Variants in TENM4 observed in about 807,000 individuals in gnomAD.
TENM4 encodes the protein teneurin transmembrane protein 4.
In TENM4, 82 loss-of-function variants were observed where a neutral mutation model predicts 243.3. The observed-to-expected ratio is 0.34, with a 90% CI of 0.28 to 0.40. The LOEUF is 0.40. TENM4 is among the 10% of genes least tolerant of loss of function. TENM4 has a pLI of 1.00. For synonymous variants in TENM4, 1,412 were observed against 1,456.3 expected, an observed-to-expected ratio of 0.97 and a Z score of 0.69; for missense variants, 3,138 against 3,673.3, an observed-to-expected ratio of 0.85 and a Z score of 3.77.
chr11:78,904,000 T>C (rs892163707), intron 6 of TENM4: 2 of 361,654 alleles, frequency 5.5e-6, no homozygotes, highest in African/African-American at 4.3e-5. Context: ...CTCTGATGTA[T>C]GCTAAAATTC....
chr11:78,907,184 C>T (rs1856081316), intron 6 of TENM4, among the ~76,000 whole-genome samples: 1 of 151,858 alleles, frequency 6.6e-6, no homozygotes, highest in Non-Finnish European at 1.5e-5. Context: ...CACTCACAAA[C>T]CCCAGAAAGA....
At chr11:79,054,989 G>A (rs1443556959) in intron 6 of TENM4, among the ~76,000 whole-genome samples, 3 of 151,774 alleles carry the variant, frequency 2.0e-5, no homozygotes, top group South Asian at 2.1e-4. Context: ...TTAGCCAGGC[G>A]TGGTGGCAGA....
At chr11:79,343,280 T>A (rs1198448864) in intron 1 of TENM4, among the ~76,000 whole-genome samples, 1 of 152,264 alleles carries the variant, frequency 6.6e-6, no homozygotes, top group East Asian at 1.9e-4. Context: ...TTTCACCTTA[T>A]GATGCAGATA....
intron 2 of TENM4, among the ~76,000 whole-genome samples, chr11:79,267,453 G>T (rs995855246): frequency 1.3e-5 from 2 of 152,318 alleles, no homozygotes; most frequent in East Asian, 1.9e-4. Context: ...AAAGATAAAG[G>T]TTGATGCTAG....
intron 6 of TENM4, among the ~76,000 whole-genome samples, chr11:79,035,522 T>C (rs1349491073): frequency 7.6e-6 from 1 of 132,354 alleles, no homozygotes; most frequent in African/African-American, 2.6e-5. Context: ...TTGTAGAAGA[T>C]TTAAAAAAAT....
At chr11:79,200,236 G>A (rs551340370) in intron 3 of TENM4, among the ~76,000 whole-genome samples, 3 of 152,350 alleles carry the variant, frequency 2.0e-5, no homozygotes, top group African/African-American at 7.2e-5. Context: ...CTTCCTAGCT[G>A]TCTCTTCCTC....
intron 1 of TENM4, among the ~76,000 whole-genome samples, chr11:79,316,876 T>C (rs1054993808): frequency 6.6e-5 from 10 of 152,248 alleles, no homozygotes; most frequent in African/African-American, 2.4e-4. Flanking sequence ...GAGGTCTCTT[T>C]AAAATGCACA....
intron 6 of TENM4, among the ~76,000 whole-genome samples, chr11:79,002,164 C>T (rs912993842): frequency 6.6e-6 from 1 of 152,210 alleles, no homozygotes; most frequent in Non-Finnish European, 1.5e-5. Context: ...CATACAAACA[C>T]TAGTGGCCCT....
chr11:78,971,016 A>G (rs1401095923), intron 6 of TENM4, among the ~76,000 whole-genome samples: 1 of 151,942 alleles, frequency 6.6e-6, no homozygotes, highest in Non-Finnish European at 1.5e-5. Flanking sequence ...TTATTTATTT[A>G]AAAAATTTAT....
At chr11:79,265,269 G>A (rs1475529924) in intron 2 of TENM4, among the ~76,000 whole-genome samples, 5 of 152,084 alleles carry the variant, frequency 3.3e-5, no homozygotes, top group African/African-American at 9.7e-5. Flanking sequence ...GTGAGTGGGT[G>A]GGTCTCGGAC....
At chr11:79,411,074 T>C (rs1026805707) in intron 1 of TENM4, among the ~76,000 whole-genome samples, 1 of 152,198 alleles carries the variant, frequency 6.6e-6, no homozygotes, top group African/African-American at 2.4e-5. Context: ...ATCCTGGCCC[T>C]TCTATCCAGG....
intron 4 of TENM4, among the ~76,000 whole-genome samples, chr11:79,077,161 TC>T (rs1439596593): frequency 6.6e-6 from 1 of 152,168 alleles, no homozygotes; most frequent in East Asian, 1.9e-4. Flanking sequence ...AACTCCCAGT[TC>T]CTACCCTCCT....
chr11:78,904,076 C>T (rs1856005491), intron 6 of TENM4, among the ~76,000 whole-genome samples: 3 of 152,130 alleles, frequency 2.0e-5, no homozygotes, highest in South Asian at 4.2e-4. Flanking sequence ...AAAAGTAAAA[C>T]GTGGCCGGTC....
chr11:79,039,329 A>G (rs10899582), intron 6 of TENM4, among the ~76,000 whole-genome samples: 95,236 of 152,040 alleles, frequency 0.63, 32,270 homozygotes, highest in Non-Finnish European at 0.79. Context: ...GAATGCCACC[A>G]ACAGAGGACA....
chr11:79,245,178 G>A (rs978181007), intron 2 of TENM4, among the ~76,000 whole-genome samples: 2 of 152,178 alleles, frequency 1.3e-5, no homozygotes, highest in East Asian at 1.9e-4. Context: ...CATCCTGCAC[G>A]TGGAAGCCTC....
intron 7 of TENM4, among the ~76,000 whole-genome samples, chr11:78,901,637 A>C (rs1273939741): frequency 3.3e-5 from 5 of 152,156 alleles, no homozygotes; most frequent in Non-Finnish European, 7.3e-5. Context: ...GCAGAGCATC[A>C]GAACCATCGA....
chr11:79,048,425 C>T (rs761406080), intron 6 of TENM4, among the ~76,000 whole-genome samples: 12 of 152,128 alleles, frequency 7.9e-5, no homozygotes, highest in South Asian at 6.2e-4. Context: ...AGAAGATTGC[C>T]CATTCCCTGA....
At position 79,356,457 on chromosome 11, in the gene TENM4, G is replaced by T. The variant is rs773668181; in HGVS notation, c.-320-58914C>A. Among the ~76,000 whole-genome samples, 19 of 152,190 alleles carry T rather than the reference G, an allele frequency of 1.2e-4. 1 individual carries two copies. Among genetic ancestry groups the T allele is most frequent in the Non-Finnish European group, 2.5e-4 (17 of 68,020 alleles). ...CACTACTACTACAGCGTGGGGCTAG[G>T]TTACAGCACAGTTTAGGAGAAAGAC... On this transcript the variant is annotated intron_variant, in intron 1 of 33. Transcript: ENST00000278550.
intron 6 of TENM4, among the ~76,000 whole-genome samples, chr11:79,011,948 T>A (rs1004529610): frequency 2.0e-5 from 3 of 152,302 alleles, no homozygotes; most frequent in East Asian, 3.9e-4. Flanking sequence ...CCCTTTTCCC[T>A]GGATGTAGCC....
Sources: gnomAD v4.1 joint callset for allele counts (sites outside exome capture counted in the v4.1 genomes callset) on GRCh38, gnomAD v4.1.1 for gene constraint, MANE v1.5 for transcripts, NCBI Gene and HGNC (gene_info 2026-07-23, HGNC 2026-07-21) for gene names.